The following UXS1 variants were observed in gnomAD, a reference collection of about 807,000 sequenced individuals.
UXS1 encodes UDP-glucuronic acid decarboxylase 1.
Under a neutral mutation model 62.6 loss-of-function variants are expected in UXS1, and 33 were observed. The observed-to-expected ratio is 0.53, with a 90% CI of 0.40 to 0.70. UXS1 has a LOEUF of 0.70. Among genes scored for constraint, UXS1 ranks in the 30% least tolerant of loss-of-function variants. The probability of loss-of-function intolerance (pLI) is 0.00; values close to 1 mark genes in which losing one functional copy is unlikely to be tolerated. For synonymous variants in UXS1, 213 were observed against 206.8 expected, an observed-to-expected ratio of 1.03 and a Z score of -0.26; for missense variants, 434 against 556.3, an observed-to-expected ratio of 0.78 and a Z score of 2.21.
chr2:106,126,941 A>G (rs1427960730), intron 7 of UXS1, among the ~76,000 whole-genome samples: 1 of 152,140 alleles, frequency 6.6e-6, no homozygotes, highest in Admixed American at 6.5e-5. Flanking sequence ...GGCAACCACT[A>G]ACCAATTCTC....
chr2:106,155,853 CA>C (rs1455486800), intron 5 of UXS1, among the ~76,000 whole-genome samples: 1 of 152,136 alleles, frequency 6.6e-6, no homozygotes, highest in African/African-American at 2.4e-5. Context: ...GACAACCGGA[CA>C]GCCATATCCA....
chr2:106,107,437 T>C (rs145034470), intron 10 of UXS1, among the ~76,000 whole-genome samples: 1 of 152,280 alleles, frequency 6.6e-6, no homozygotes, highest in African/African-American at 2.4e-5. Flanking sequence ...CAGTGGCAGC[T>C]TTCCATTCCA....
At chr2:106,101,380 T>C in intron 11 of UXS1, 1 of 424,190 alleles carries the variant, frequency 2.4e-6, no homozygotes, top group East Asian at 4.1e-5. Flanking sequence ...GGATGGAAGC[T>C]GAGTGATGGG....
chr2:106,175,971 G>A (rs1159932411), intron 1 of UXS1, among the ~76,000 whole-genome samples: 2 of 152,090 alleles, frequency 1.3e-5, no homozygotes, highest in Non-Finnish European at 2.9e-5. Flanking sequence ...ATGCTCATAC[G>A]CCCAGGTCAC....
At chr2:106,155,267 T>C (rs1302139740) in intron 5 of UXS1, among the ~76,000 whole-genome samples, 2 of 152,158 alleles carry the variant, frequency 1.3e-5, no homozygotes, top group African/African-American at 2.4e-5. Flanking sequence ...AAGAATCTTA[T>C]ATACGACCAA....
intron 6 of UXS1, chr2:106,138,318 G>T (rs1250312794): frequency 1.0e-6 from 1 of 985,568 alleles, no homozygotes; most frequent in African/African-American, 1.7e-5. Flanking sequence ...ACAGCTCAGC[G>T]CTGCCTTGTC....
At chr2:106,180,122 T>C (rs1035175022) in intron 1 of UXS1, among the ~76,000 whole-genome samples, 16 of 152,046 alleles carry the variant, frequency 1.1e-4, no homozygotes, top group Non-Finnish European at 2.2e-4. Context: ...AAAGAAAGAT[T>C]TCCTCCACAT....
At chr2:106,138,652 C>T in intron 6 of UXS1, 2 of 985,488 alleles carry the variant, frequency 2.0e-6, no homozygotes, top group Non-Finnish European at 2.4e-6. Flanking sequence ...GCCATTCCAT[C>T]TGGTTCAGTG....
chr2:106,190,913 T>A (rs145639384), intron 1 of UXS1, among the ~76,000 whole-genome samples: 135 of 152,168 alleles, frequency 8.9e-4, no homozygotes, highest in African/African-American at 3.2e-3. Flanking sequence ...ACCTAGTAGG[T>A]TGGCCTGATT....
chr2:106,161,484 G>T (rs571705342), intron 4 of UXS1, among the ~76,000 whole-genome samples: 1 of 152,042 alleles, frequency 6.6e-6, no homozygotes, highest in African/African-American at 2.4e-5. Context: ...ATTAAGCTCC[G>T]TTCTACACTA....
Position 106,122,975 on chromosome 2 carries a change from T to G in UXS1, c.754A>C (p.Lys252Gln). The G allele has an allele frequency of 6.2e-7, 1 of 1,613,770 alleles. No homozygotes were observed. Among genetic ancestry groups the G allele is most frequent in the Non-Finnish European group, 8.5e-7 (1 of 1,179,770 alleles). Residue 252 changes from lysine to glutamine, a missense_variant, in exon 9 of 15, where the codon AAG (lysine) becomes CAG (glutamine). Lys to Gln is a moderately conservative substitution (Grantham distance 53, BLOSUM62 1). Coordinates refer to ENST00000283148, the MANE Select transcript of UXS1 (RefSeq NM_001253875.2). ...VAETMCYAYM[K>Q]QEGVEVRVAR... ...CCTAGACCCTGGTGAAATACCTGCTTCATGTAGGCATAGCACATGGTCTCT... is the reference window on the plus strand; with the variant it reads ...CCTAGACCCTGGTGAAATACCTGCTGCATGTAGGCATAGCACATGGTCTCT...
At chr2:106,124,727 T>A (rs1679786906) in intron 8 of UXS1, among the ~76,000 whole-genome samples, 2 of 152,290 alleles carry the variant, frequency 1.3e-5, no homozygotes, top group Middle Eastern at 3.4e-3. Flanking sequence ...AGGGACACAC[T>A]CTGCTCTTTT....
At chr2:106,149,133 AC>A (rs1681816080) in intron 5 of UXS1, among the ~76,000 whole-genome samples, 1 of 152,150 alleles carries the variant, frequency 6.6e-6, no homozygotes, top group Non-Finnish European at 1.5e-5. Flanking sequence ...AATATACCAG[AC>A]TCACATGCCA....
At chr2:106,110,158 T>C (rs767316705) in intron 10 of UXS1, among the ~76,000 whole-genome samples, 26 of 152,192 alleles carry the variant, frequency 1.7e-4, no homozygotes, top group Non-Finnish European at 3.4e-4. Flanking sequence ...CAAAACACAT[T>C]CTGAAAGGCC....
At chr2:106,187,669 T>C (rs1478625513) in intron 1 of UXS1, among the ~76,000 whole-genome samples, 1 of 151,694 alleles carries the variant, frequency 6.6e-6, no homozygotes, top group Non-Finnish European at 1.5e-5. Flanking sequence ...AAAATGTCAC[T>C]ACAACAAAAT....
At chr2:106,194,028 G>C (rs1034994534) in intron 1 of UXS1, 120 bp downstream of exon 1, 62 of 598,486 alleles carry the variant, frequency 1.0e-4, no homozygotes, top group Middle Eastern at 6.1e-4. Context: ...GGCCCCGCCC[G>C]GGGCGGGGAG....
chr2:106,146,820 C>CA (rs1681616677), intron 5 of UXS1, among the ~76,000 whole-genome samples: 2 of 121,934 alleles, frequency 1.6e-5, no homozygotes, highest in East Asian at 4.6e-4. Context: ...TGAAAAAGAT[C>CA]AAAAATGGCA....
chr2:106,117,245 C>T (rs1679132933), intron 9 of UXS1, among the ~76,000 whole-genome samples: 2 of 152,206 alleles, frequency 1.3e-5, no homozygotes, highest in African/African-American at 2.4e-5. Context: ...AGGCTCTGGC[C>T]ACCTGAGAGC....
At chr2:106,191,120 A>G (rs2104302920) in intron 1 of UXS1, among the ~76,000 whole-genome samples, 1 of 152,298 alleles carries the variant, frequency 6.6e-6, no homozygotes, top group East Asian at 1.9e-4. Flanking sequence ...ACCCTAAGAC[A>G]TGAAGAAGAG....
Sources: gnomAD v4.1 joint callset for allele counts (sites outside exome capture counted in the v4.1 genomes callset) on GRCh38, gnomAD v4.1.1 for gene constraint, MANE v1.5 for transcripts, NCBI Gene and HGNC (gene_info 2026-07-23, HGNC 2026-07-21) for gene names.